The following DMD variants were observed in gnomAD, a reference collection of about 807,000 sequenced individuals.
DMD encodes mutant dystrophin.
A neutral mutation model predicts 330.1 loss-of-function variants in DMD; 63 were observed. The ratio of observed to expected loss-of-function variants is 0.19; its 90% confidence interval spans 0.16 to 0.24. The LOEUF (loss-of-function observed/expected upper bound fraction) is 0.24. Ranked by LOEUF, DMD falls within the 10% of genes least tolerant of loss-of-function variation. The probability of loss-of-function intolerance (pLI) is 1.00; values close to 1 mark genes in which losing one functional copy is unlikely to be tolerated. For missense variants in DMD, 3,344 were observed against 2,684.1 expected, an observed-to-expected ratio of 1.25 and a Z score of -5.43; for synonymous variants, 1,223 against 959.8, an observed-to-expected ratio of 1.27 and a Z score of -5.07.
intron 45 of DMD, among the ~76,000 whole-genome samples, chrX:31,938,997 A>G (rs1040713441): frequency 9.0e-6 from 1 of 111,672 alleles, no homozygotes; most frequent in Non-Finnish European, 1.9e-5. Context: ...CAAAATAAGC[A>G]TAAATTGAGA....
intron 2 of DMD, among the ~76,000 whole-genome samples, chrX:32,854,571 CA>C (rs1201969423): frequency 0.022 from 1,353 of 61,528 alleles, 8 homozygotes; most frequent in East Asian, 0.087. Context: ...GCACTTGTAT[CA>C]AAAAAAAAAA....
intron 1 of DMD, among the ~76,000 whole-genome samples, chrX:33,080,974 TCACACACA>T (rs763162216): frequency 1.1e-5 from 1 of 92,702 alleles, no homozygotes; most frequent in African/African-American, 4.0e-5. Flanking sequence ...TTTATAAACA[TCACACACA>T]CACACACACA....
intron 1 of DMD, among the ~76,000 whole-genome samples, chrX:33,216,585 C>T (rs1457661769): frequency 1.8e-5 from 2 of 109,220 alleles, no homozygotes; most frequent in Admixed American, 1.9e-4. Flanking sequence ...TGAACATGTA[C>T]CCCCGATTCA....
intron 42 of DMD, among the ~76,000 whole-genome samples, chrX:32,298,585 A>G (rs1303418017): frequency 3.6e-5 from 4 of 110,004 alleles, no homozygotes; most frequent in Non-Finnish European, 7.5e-5. Context: ...CACTAGGGGT[A>G]ATTTTTAATC....
At chrX:32,659,185 A>G (rs1260864113) in intron 9 of DMD, among the ~76,000 whole-genome samples, 2 of 111,784 alleles carry the variant, frequency 1.8e-5, no homozygotes, top group African/African-American at 6.5e-5. Context: ...AACTAGGTAA[A>G]TTTTCTCCAA....
chrX:32,529,217 GC>G (rs2047228282), intron 17 of DMD, among the ~76,000 whole-genome samples: 2 of 107,003 alleles, frequency 1.9e-5, no homozygotes, highest in East Asian at 5.9e-4. Context: ...GAGCCACCGC[GC>G]CAGGTCAAAC....
At chrX:31,546,507 C>T (rs2089941436) in intron 55 of DMD, among the ~76,000 whole-genome samples, 1 of 112,341 alleles carries the variant, frequency 8.9e-6, no homozygotes, top group South Asian at 3.7e-4. Context: ...ATGGCCACAC[C>T]ACCTTCCCAA....
At chrX:32,071,425 G>A (rs1281430447) in intron 44 of DMD, among the ~76,000 whole-genome samples, 1 of 102,115 alleles carries the variant, frequency 9.8e-6, no homozygotes, top group East Asian at 3.2e-4. Context: ...ACCAAACACC[G>A]CATGTTCTCG....
chrX:32,876,744 T>C (rs2083411867), intron 2 of DMD, among the ~76,000 whole-genome samples: 1 of 111,841 alleles, frequency 8.9e-6, no homozygotes, highest in South Asian at 3.7e-4. Flanking sequence ...GAATGTTCCG[T>C]GTTTCTTAAA....
At chrX:32,819,256 A>T in intron 5 of DMD, among the ~76,000 whole-genome samples, 1 of 111,114 alleles carries the variant, frequency 9.0e-6, no homozygotes, top group Middle Eastern at 4.6e-3. Flanking sequence ...GATGGCTTTC[A>T]GCAGTGCGAA....
intron 7 of DMD, among the ~76,000 whole-genome samples, chrX:32,734,453 C>G: frequency 9.3e-6 from 1 of 107,386 alleles, no homozygotes; most frequent in East Asian, 2.9e-4. Flanking sequence ...CTGGCAGAGA[C>G]ACAACCAAAA....
At chrX:32,138,722 G>A (rs2096739359) in intron 44 of DMD, among the ~76,000 whole-genome samples, 1 of 111,803 alleles carries the variant, frequency 8.9e-6, no homozygotes, top group African/African-American at 3.3e-5. Flanking sequence ...CAAATATTGA[G>A]AGGCAGAGTT....
intron 1 of DMD, among the ~76,000 whole-genome samples, chrX:33,197,050 A>G (rs2050981130): frequency 9.0e-6 from 1 of 111,429 alleles, no homozygotes; most frequent in African/African-American, 3.3e-5. Context: ...ATTTTATTCA[A>G]TCAGTGATGC....
intron 44 of DMD, among the ~76,000 whole-genome samples, chrX:32,129,835 C>T (rs536124974): frequency 9.1e-6 from 1 of 109,621 alleles, no homozygotes; most frequent in East Asian, 2.9e-4. Flanking sequence ...GAGTTTGGGT[C>T]ATTTTAAAGG....
intron 47 of DMD, among the ~76,000 whole-genome samples, chrX:31,914,765 G>A (rs779542693): frequency 3.4e-4 from 38 of 111,908 alleles, no homozygotes; most frequent in South Asian, 7.5e-4. Context: ...AGGGGGCAGC[G>A]GGATGGTTAA....
intron 16 of DMD, among the ~76,000 whole-genome samples, chrX:32,565,027 TAAGACAA>T (rs749365479): frequency 5.4e-5 from 6 of 111,535 alleles, no homozygotes; most frequent in African/African-American, 1.6e-4. Context: ...TCCAACTACA[TAAGACAA>T]AAAGAGGTTC....
intron 45 of DMD, among the ~76,000 whole-genome samples, chrX:31,957,480 A>G (rs948585278): frequency 8.9e-6 from 1 of 111,760 alleles, no homozygotes; most frequent in Non-Finnish European, 1.9e-5. Flanking sequence ...AGAATAATTA[A>G]CCGGGGCAAG....
intron 74 of DMD, among the ~76,000 whole-genome samples, chrX:31,157,154 A>T (rs1172089656): frequency 1.2e-4 from 13 of 112,101 alleles, no homozygotes; most frequent in African/African-American, 4.2e-4. Context: ...GGGTTAATGT[A>T]TCTAGGTGGA....
At chrX:33,260,477 G>A (rs1230719632) in intron 1 of DMD, among the ~76,000 whole-genome samples, 1 of 110,908 alleles carries the variant, frequency 9.0e-6, no homozygotes, top group Non-Finnish European at 1.9e-5. Flanking sequence ...AACATCATCA[G>A]AGAATTAAAA....
Sources: gnomAD v4.1 joint callset for allele counts (sites outside exome capture counted in the v4.1 genomes callset) on GRCh38, gnomAD v4.1.1 for gene constraint, MANE v1.5 for transcripts, NCBI Gene and HGNC (gene_info 2026-07-23, HGNC 2026-07-21) for gene names.